Variants in CSMD1 observed in about 807,000 individuals in gnomAD.
The protein encoded by CSMD1 is CUB and Sushi multiple domains 1, also known as CUB and sushi domain-containing protein 1.
In CSMD1, 213 loss-of-function variants were observed where a neutral mutation model predicts 417.5. The observed-to-expected ratio is 0.51, with a 90% CI of 0.46 to 0.57. CSMD1 has a LOEUF of 0.57. Ranked by LOEUF, CSMD1 falls within the 20% of genes least tolerant of loss-of-function variation. The pLI, the probability that CSMD1 is intolerant of heterozygous loss-of-function variation, is 0.00. For synonymous variants in CSMD1, 2,862 were observed against 1,736.8 expected (o/e 1.65, Z -16.11); for missense variants, 6,923 against 4,529.7 (o/e 1.53, Z -15.17).
chr8:4,486,200 CATACATATATATATATATATATAT>C (rs1251990148), intron 2 of CSMD1, among the ~76,000 whole-genome samples: 189 of 9,770 alleles, frequency 0.019, 8 homozygotes, highest in African/African-American at 0.064. Context: ...TATATATATA[CATACATATATATATATATATATAT>C]ACATACATAT....
At chr8:4,195,796 G>A (rs990902471) in intron 3 of CSMD1, among the ~76,000 whole-genome samples, 2 of 152,122 alleles carry the variant, frequency 1.3e-5, no homozygotes, top group Non-Finnish European at 1.5e-5. Flanking sequence ...GAATGAGCTT[G>A]GATGCACAGT....
chr8:3,834,904 G>A (rs1412570073), intron 5 of CSMD1, among the ~76,000 whole-genome samples: 2 of 151,592 alleles, frequency 1.3e-5, no homozygotes, highest in Non-Finnish European at 2.9e-5. Context: ...AAAAGTGGGT[G>A]AAGGACATGA....
intron 1 of CSMD1, chr8:4,787,433 G>C (rs1482331438): frequency 1.3e-6 from 1 of 756,610 alleles, no homozygotes; most frequent in African/African-American, 1.7e-5. Flanking sequence ...CAAGATTACA[G>C]CAGGAAATGT....
At chr8:3,901,778 G>A (rs149663217) in intron 5 of CSMD1, among the ~76,000 whole-genome samples, 246 of 152,270 alleles carry the variant, frequency 1.6e-3, no homozygotes, top group African/African-American at 4.9e-3. Context: ...AATTTCTGGC[G>A]TCAAAGTGTG....
chr8:4,178,649 T>C (rs112028331), intron 3 of CSMD1, among the ~76,000 whole-genome samples: 3 of 152,296 alleles, frequency 2.0e-5, no homozygotes, highest in East Asian at 1.9e-4. Flanking sequence ...TTGTCCCTTT[T>C]TGCAGATAAT....
chr8:4,083,685 T>G (rs933490865), intron 3 of CSMD1, among the ~76,000 whole-genome samples: 2 of 152,026 alleles, frequency 1.3e-5, no homozygotes, highest in Admixed American at 6.6e-5. Context: ...TATACAAAAA[T>G]CAATTCAAGA....
intron 1 of CSMD1, among the ~76,000 whole-genome samples, chr8:4,771,286 C>T (rs959512019): frequency 6.6e-6 from 1 of 152,174 alleles, no homozygotes; most frequent in African/African-American, 2.4e-5. Context: ...TACCAATGTT[C>T]TCTACCATAT....
chr8:4,316,600 T>C (rs576315873), intron 3 of CSMD1, among the ~76,000 whole-genome samples: 84 of 152,090 alleles, frequency 5.5e-4, no homozygotes, highest in African/African-American at 1.9e-3. Flanking sequence ...AGACTTGGTG[T>C]AGACATCAGA....
chr8:4,792,019 T>C (rs1473198566), intron 1 of CSMD1, among the ~76,000 whole-genome samples: 2 of 152,166 alleles, frequency 1.3e-5, no homozygotes, highest in Non-Finnish European at 2.9e-5. Flanking sequence ...TCCTAAATCC[T>C]ATCTCACTAG....
intron 3 of CSMD1, among the ~76,000 whole-genome samples, chr8:4,071,381 T>G (rs977047403): frequency 1.4e-5 from 2 of 147,230 alleles, no homozygotes; most frequent in Non-Finnish European, 3.0e-5. Flanking sequence ...TGTTAAGCCT[T>G]TCCAAGTAAA....
At chr8:3,934,777 G>A (rs1436763791) in intron 5 of CSMD1, among the ~76,000 whole-genome samples, 2 of 152,124 alleles carry the variant, frequency 1.3e-5, no homozygotes, top group South Asian at 2.1e-4. Context: ...AACCTGGGAA[G>A]CAGAGGTTAC....
At chr8:4,922,361 T>G (rs1806556664) in intron 1 of CSMD1, among the ~76,000 whole-genome samples, 1 of 152,206 alleles carries the variant, frequency 6.6e-6, no homozygotes, top group Admixed American at 6.5e-5. Context: ...TAATTATGTA[T>G]GCTTATATAT....
At chr8:4,384,762 C>T (rs1390019980) in intron 3 of CSMD1, among the ~76,000 whole-genome samples, 1 of 152,174 alleles carries the variant, frequency 6.6e-6, no homozygotes, top group African/African-American at 2.4e-5. Flanking sequence ...ATCAGCAATT[C>T]CTACCGGTCG....
chr8:4,737,023 A>ACATATG (rs1424563904), intron 1 of CSMD1, among the ~76,000 whole-genome samples: 1 of 152,180 alleles, frequency 6.6e-6, no homozygotes, highest in Non-Finnish European at 1.5e-5. Context: ...TATCATAAAG[A>ACATATG]CATATGCACA....
intron 2 of CSMD1, among the ~76,000 whole-genome samples, chr8:4,438,939 T>G (rs1056741665): frequency 7.9e-5 from 12 of 152,226 alleles, no homozygotes; most frequent in African/African-American, 2.9e-4. Flanking sequence ...GGTGTAGGAT[T>G]CCGTAAATGA....
At chr8:3,464,031 T>G (rs572326083) in intron 12 of CSMD1, among the ~76,000 whole-genome samples, 20 of 152,326 alleles carry the variant, frequency 1.3e-4, no homozygotes, top group African/African-American at 3.6e-4. Context: ...ATAATTTTAC[T>G]GGAATCACTC....
intron 5 of CSMD1, among the ~76,000 whole-genome samples, chr8:3,882,921 C>A (rs1282367089): frequency 6.6e-6 from 1 of 152,156 alleles, no homozygotes; most frequent in Non-Finnish European, 1.5e-5. Context: ...GAGTAATGTT[C>A]TGCATCTTGG....
chr8:4,305,286 T>C (rs567203283), intron 3 of CSMD1, among the ~76,000 whole-genome samples: 4 of 152,160 alleles, frequency 2.6e-5, no homozygotes, highest in Non-Finnish European at 5.9e-5. Context: ...CTGAGCTGCA[T>C]CAGCCTCCCG....
At chr8:3,925,902 A>C (rs1378851798) in intron 5 of CSMD1, among the ~76,000 whole-genome samples, 4 of 152,050 alleles carry the variant, frequency 2.6e-5, no homozygotes, top group African/African-American at 7.2e-5. Flanking sequence ...AATATATACT[A>C]TCTGCATAAC....
Sources: gnomAD v4.1 joint callset for allele counts (sites outside exome capture counted in the v4.1 genomes callset) on GRCh38, gnomAD v4.1.1 for gene constraint, MANE v1.5 for transcripts, NCBI Gene and HGNC (gene_info 2026-07-23, HGNC 2026-07-21) for gene names.